The following DRAXIN variants were observed in gnomAD, a reference collection of about 807,000 sequenced individuals.
DRAXIN encodes dorsal repulsive axon guidance protein.
Under a neutral mutation model 33.9 loss-of-function variants are expected in DRAXIN, and 27 were observed. The ratio of observed to expected loss-of-function variants is 0.80; its 90% CI spans 0.59 to 1.10. The LOEUF (loss-of-function observed/expected upper bound fraction) is 1.10. DRAXIN is among the 50% of genes least tolerant of loss of function. The probability of loss-of-function intolerance (pLI) is 0.00; values close to 1 mark genes in which losing one functional copy is unlikely to be tolerated. For missense variants in DRAXIN, 371 were observed against 460.8 expected (o/e 0.81, Z 1.78); for synonymous variants, 178 against 194.0 (o/e 0.92, Z 0.69).
chr1:11,709,383 C>A lies in DRAXIN; in HGVS notation c.560C>A (p.Thr187Asn), dbSNP rs1347162288. 3 of 1,613,874 alleles carry A rather than the reference C, an allele frequency of 1.9e-6. No individual in the cohort carries two copies. Among genetic ancestry groups the A allele is most frequent in the Non-Finnish European group, 2.5e-6 (3 of 1,179,964 alleles). The change falls in exon 3 of 7, where the codon ACC (threonine) becomes AAC (asparagine). Residue 187 changes from threonine to asparagine, a missense_variant. Thr to Asn is a moderately conservative substitution (Grantham distance 65). Transcript: ENST00000294485. ...MEESSTSLAPTMFFLTTFEAA... is the reference protein window; with the variant it reads ...MEESSTSLAPNMFFLTTFEAA... ...GAATCCTCCACCAGCCTGGCGCCCACCATGTTCTTTCTCACCACCTTTGAG... is the reference window on the plus strand; with the variant it reads ...GAATCCTCCACCAGCCTGGCGCCCAACATGTTCTTTCTCACCACCTTTGAG...
chr1:11,718,846 GTTTCTC>G (rs764601546), intron 6 of DRAXIN, among the ~76,000 whole-genome samples: 2 of 152,160 alleles, frequency 1.3e-5, no homozygotes, highest in African/African-American at 2.4e-5. Flanking sequence ...CCTGCATGCA[GTTTCTC>G]CTATTAATAA....
Position 11,711,949 on chromosome 1 carries a change from C to T in DRAXIN, c.741C>T (p.Pro247=). 6.2e-7 allele frequency: 1 copy of T among 1,613,216 alleles called. No homozygotes were observed. The highest frequency in any genetic ancestry group is 2.2e-5 in the East Asian group (1 of 44,862). Residue 247 remains proline, a synonymous_variant, in exon 4 of 7, where the codon CCC becomes CCT. Coordinates refer to ENST00000294485, the MANE Select transcript of DRAXIN (RefSeq NM_198545.4). ...DYEDLKPDGW[P]SAKKKEKHRG... ...AAGACTTAAAACCTGATGGTTGGCC[C>T]TCTGCAAAGAAGAAAGGTATGCCCA...
At position 11,705,084 on chromosome 1, in the gene DRAXIN, A is replaced by T. The variant is rs529462281; in HGVS notation, c.-10-1165A>T. Among the ~76,000 whole-genome samples the T allele has an allele frequency of 3.9e-5, 6 of 152,368 alleles. No homozygotes were observed. Among genetic ancestry groups the T allele is most frequent in the African/African-American group, 1.4e-4 (6 of 41,592 alleles). ...GAGAGGCGCCGGGAAGCAGGGAAAC[A>T]TCACAGGCCCACCAACCTTTTCTCA... On this transcript the variant is annotated intron_variant, in intron 1 of 6. Transcript: ENST00000294485. This position sits in a 1 kb window ranked among gnomAD's most constrained non-coding sequence, Gnocchi z 4.8.
chr1:11,719,795 T>C lies in DRAXIN; in HGVS notation c.*99T>C. 9.1e-7 allele frequency: 1 copy of C among 1,103,656 alleles called. No individual in the cohort carries two copies. 68.4% of individuals were successfully genotyped at this position (1,103,656 alleles called of 1,614,324 possible). On this transcript the variant is annotated 3_prime_UTR_variant, in exon 7 of 7. Coordinates refer to ENST00000294485, the MANE Select transcript of DRAXIN (RefSeq NM_198545.4). ...GAGATCAAGTTGGGGAACAGATGGC[T>C]GAGGCTGCAGACTCAGGCCCAGGAC...
Position 11,719,846 on chromosome 1 carries a change from C to A in DRAXIN, c.*150C>A. The stretch of plus-strand genomic sequence containing the variant: ...ACTCAACCCCAGGAGGGGAGCCGCT[C>A]GGCGAATGAGCTGGGTGGGTGCCCA... On this transcript the variant is annotated 3_prime_UTR_variant, in exon 7 of 7. Coordinates refer to ENST00000294485, the MANE Select transcript of DRAXIN (RefSeq NM_198545.4). 1 of 730,012 alleles carries A rather than the reference C, an allele frequency of 1.4e-6. No homozygotes were observed. The highest frequency in any genetic ancestry group is 2.3e-6 in the Non-Finnish European group (1 of 434,680). 45.2% of individuals were successfully genotyped at this position (730,012 alleles called of 1,614,324 possible). A position where few individuals can be genotyped will look rare whatever the true frequency, so the allele number is the denominator to read the frequency against.
rs74054215 is a variant in DRAXIN at position 11,694,964 on chromosome 1, A to G, written c.-11+3111A>G. Among the ~76,000 whole-genome samples, 893 of 152,330 alleles carry G rather than the reference A, an allele frequency of 5.9e-3. 16 individuals are homozygous for G. Among genetic ancestry groups the G allele is most frequent in the Middle Eastern group, 0.024 (7 of 294 alleles). On this transcript the variant is annotated intron_variant, in intron 1 of 6. Transcript: ENST00000294485. The surrounding 1 kb of genome is among the most constrained non-coding windows in gnomAD (Gnocchi z 4.9). ...GGTTATGAGGGATGAGGCTCCTGCT[A>G]GAACCCAGAGCAACTGGAAGGAGCT...
At chr1:11,712,009 C>T in intron 4 of DRAXIN, 44 bp downstream of exon 4, 1 of 1,557,620 alleles carries the variant, frequency 6.4e-7, no homozygotes, top group Non-Finnish European at 8.8e-7. Context: ...GGGTGCCCTG[C>T]CCTCCCGCAC....
At chr1:11,712,517 C>A in intron 5 of DRAXIN, 88 bp downstream of exon 5, 1 of 1,328,122 alleles carries the variant, frequency 7.5e-7, no homozygotes, top group Non-Finnish European at 1.1e-6. Context: ...TGTGCAGGAC[C>A]TGAGAATCCT....
intron 6 of DRAXIN, among the ~76,000 whole-genome samples, chr1:11,715,573 G>A (rs984598651): frequency 2.0e-5 from 3 of 150,798 alleles, no homozygotes; most frequent in African/African-American, 7.3e-5. Context: ...GAAGGCTGCC[G>A]CTTTCACACC....
chr1:11,715,465 T>G (rs1457856840), intron 6 of DRAXIN, among the ~76,000 whole-genome samples: 1 of 152,210 alleles, frequency 6.6e-6, no homozygotes, highest in Non-Finnish European at 1.5e-5. Context: ...TTTGCTTTTC[T>G]CAACTTTTGA....
intron 1 of DRAXIN, among the ~76,000 whole-genome samples, chr1:11,700,735 A>T (rs1199641481): frequency 2.0e-5 from 3 of 152,168 alleles, no homozygotes; most frequent in Non-Finnish European, 4.4e-5. Context: ...CCTGCTTCAC[A>T]TCATAATCCT....
intron 6 of DRAXIN, among the ~76,000 whole-genome samples, chr1:11,718,524 T>A (rs937402198): frequency 6.6e-6 from 1 of 152,236 alleles, no homozygotes; most frequent in African/African-American, 2.4e-5. Context: ...ACTACAGTGG[T>A]GCAACCAAGG....
chr1:11,707,626 C>T (rs1641409672), intron 2 of DRAXIN, among the ~76,000 whole-genome samples: 1 of 152,228 alleles, frequency 6.6e-6, no homozygotes, highest in African/African-American at 2.4e-5. Flanking sequence ...ACTCAGTGTC[C>T]TCCAGCCTGG....
chr1:11,706,417 G>A lies in DRAXIN; in HGVS notation c.159G>A (p.Gln53=), dbSNP rs747031900. The A allele has an allele frequency of 2.0e-5, 33 of 1,612,334 alleles. No homozygotes were observed. Among genetic ancestry groups the A allele is most frequent in the Non-Finnish European group, 2.8e-5 (33 of 1,179,706 alleles). The change falls in exon 2 of 7, where the codon CAG becomes CAA. Residue 53 remains glutamine (Q), a synonymous_variant. Coordinates refer to ENST00000294485, the MANE Select transcript of DRAXIN (RefSeq NM_198545.4). The surrounding 1 kb of genome is among the most constrained non-coding windows in gnomAD (Gnocchi z 5.5). ...CAGGCCCAGCGCTGTGGACGCCTCA[G>A]GCCAGCCACCACCGCCGGCGGGGCC... ...DLPGPALWTP[Q]ASHHRRRGPG...
chr1:11,701,363 C>G (rs1570309487), intron 1 of DRAXIN, among the ~76,000 whole-genome samples: 2 of 152,140 alleles, frequency 1.3e-5, no homozygotes, highest in African/African-American at 4.8e-5. Context: ...CCCCCTCGCC[C>G]CCAGAGCCTC....
chr1:11,711,165 A>G (rs1254247227), intron 3 of DRAXIN, among the ~76,000 whole-genome samples: 1 of 152,124 alleles, frequency 6.6e-6, no homozygotes, highest in Non-Finnish European at 1.5e-5. Context: ...TTAGCAGCAG[A>G]TCTTTCTTAT....
At chr1:11,689,269 G>C (rs1040033596), upstream of DRAXIN, among the ~76,000 whole-genome samples, 9 of 139,682 alleles carry the variant, frequency 6.4e-5, no homozygotes, top group Admixed American at 1.5e-4. Context: ...TACAAGCCTG[G>C]GCAACAAAGT....
chr1:11,712,511 C>A, intron 5 of DRAXIN, 82 bp downstream of exon 5: 2 of 1,401,690 alleles, frequency 1.4e-6, no homozygotes, highest in East Asian at 2.3e-5. Context: ...CCCACATGTG[C>A]AGGACCTGAG....
rs982657871 is a variant in DRAXIN, at chr1:11,705,417, C to T, written c.-10-832C>T. Among the ~76,000 whole-genome samples, 3 of 152,038 alleles carry T rather than the reference C, an allele frequency of 2.0e-5. No individual in the cohort carries two copies. The highest frequency in any genetic ancestry group is 1.9e-4 in the East Asian group (1 of 5,178). On this transcript the variant is annotated intron_variant, in intron 1 of 6. Coordinates refer to ENST00000294485, the MANE Select transcript of DRAXIN (RefSeq NM_198545.4). This position sits in a 1 kb window ranked among gnomAD's most constrained non-coding sequence, Gnocchi z 4.8. ...TGAGGGGGATATCCTGAGGCTAGGT[C>T]GGGTTGGCTCAGTCTACCCTGCAGG...
Sources: gnomAD v4.1 joint callset for allele counts (sites outside exome capture counted in the v4.1 genomes callset) on GRCh38, gnomAD v4.1.1 for gene constraint, Gnocchi (gnomAD v3.1) non-coding constraint, MANE v1.5 for transcripts, NCBI Gene and HGNC (gene_info 2026-07-23, HGNC 2026-07-21) for gene names.